Variants in RTF1 observed in about 807,000 individuals in gnomAD.
RTF1 encodes the protein RNA polymerase-associated protein RTF1 homolog.
Under a neutral mutation model 95.7 loss-of-function variants are expected in RTF1, and 10 were observed. That is an observed-to-expected ratio of 0.10 (90% CI 0.06 to 0.18). The LOEUF is 0.18. RTF1 is among the 10% of genes least tolerant of loss of function. The pLI is 1.00. For synonymous variants in RTF1, 305 were observed against 311.8 expected (o/e 0.98, Z 0.23); for missense variants, 458 against 875.6 (o/e 0.52, Z 6.02).
chr15:41,461,218 T>C (rs2050846739), intron 4 of RTF1, among the ~76,000 whole-genome samples: 1 of 151,818 alleles, frequency 6.6e-6, no homozygotes, highest in Admixed American at 6.6e-5. Context: ...AATTTTTGTA[T>C]TTTTAGCAGG....
chr15:41,464,248 T>TTC (rs539822159), intron 4 of RTF1, among the ~76,000 whole-genome samples: 1 of 151,182 alleles, frequency 6.6e-6, no homozygotes, highest in Non-Finnish European at 1.5e-5. Context: ...TATGTTCTCT[T>TTC]TCTCTCTCTT....
At chr15:41,443,924 C>T (rs564171972) in intron 2 of RTF1, among the ~76,000 whole-genome samples, 12 of 151,538 alleles carry the variant, frequency 7.9e-5, no homozygotes, top group South Asian at 2.1e-4. Context: ...AAAAATTAGC[C>T]GGGCGTGGTG....
At position 41,444,106 on chromosome 15, in the gene RTF1, T is replaced by C. The variant is rs559621701; in HGVS notation, c.309+5675T>C. 7.3e-5 allele frequency among the ~76,000 whole-genome samples: 11 copies of C among 151,224 alleles called. No homozygotes were observed. The East Asian group carries it at 2.0e-3, about 27-fold the overall frequency. ...GAAAAAGAAAAATTAAAAAAAAATT[T>C]TTTTTAATACAAAAATTAGTCAGGT... On this transcript the variant is annotated intron_variant, in intron 2 of 17. Transcript: ENST00000389629.
At chr15:41,475,895 C>A in intron 11 of RTF1, 76 bp downstream of exon 11, 1 of 720,052 alleles carries the variant, frequency 1.4e-6, no homozygotes, top group Non-Finnish European at 2.3e-6. Flanking sequence ...TCTTTTATTT[C>A]CCTATATCTT....
At chr15:41,446,427 G>A (rs935321405) in intron 2 of RTF1, among the ~76,000 whole-genome samples, 1 of 151,988 alleles carries the variant, frequency 6.6e-6, no homozygotes, top group African/African-American at 2.4e-5. Flanking sequence ...TTAGCCAGGC[G>A]TGGTGGCGCA....
chr15:41,478,087 A>G (rs2050951177), intron 14 of RTF1, among the ~76,000 whole-genome samples: 1 of 151,248 alleles, frequency 6.6e-6, no homozygotes, highest in Non-Finnish European at 1.5e-5. Context: ...TGGGCAAGAG[A>G]GCGAGAATCC....
chr15:41,418,683 G>T (rs935625108), intron 1 of RTF1, among the ~76,000 whole-genome samples: 1 of 151,526 alleles, frequency 6.6e-6, no homozygotes, highest in Non-Finnish European at 1.5e-5. Flanking sequence ...GGTGGCACAT[G>T]CCTGTAATCC....
At chr15:41,430,006 C>CTTTTTTTTTT (rs1410593149) in intron 1 of RTF1, among the ~76,000 whole-genome samples, 43 of 143,016 alleles carry the variant, frequency 3.0e-4, no homozygotes, top group East Asian at 8.5e-4. Context: ...TTTATTTTTT[C>CTTTTTTTTTT]TTTTCTTTTT....
intron 8 of RTF1, among the ~76,000 whole-genome samples, chr15:41,473,419 A>G (rs976689271): frequency 2.7e-5 from 4 of 149,396 alleles, no homozygotes; most frequent in Non-Finnish European, 5.9e-5. Context: ...GGTGTGAGCC[A>G]CCACGCCCGG....
chr15:41,417,320 G>A lies in RTF1; in HGVS notation c.198+7G>A. On this transcript the variant is annotated splice_region_variant and intron_variant, in intron 1 of 17. Coordinates refer to ENST00000389629, the MANE Select transcript of RTF1 (RefSeq NM_015138.5). ...CGACGAGAACCTGGATCAGGTGAGGGCAGGCCGCGGAGGCGCGGGCCGGCG... is the reference window on the plus strand; with the variant it reads ...CGACGAGAACCTGGATCAGGTGAGGACAGGCCGCGGAGGCGCGGGCCGGCG... The A allele has an allele frequency of 8.0e-7, 1 of 1,246,968 alleles. No homozygotes were observed. Among genetic ancestry groups the A allele is most frequent in the Non-Finnish European group, 1.0e-6 (1 of 987,980 alleles). The allele number at this position is 1,246,968 out of a possible 1,614,324, so 77.2% of individuals were successfully genotyped here.
chr15:41,432,489 G>A (rs901207959), intron 1 of RTF1, among the ~76,000 whole-genome samples: 3 of 151,948 alleles, frequency 2.0e-5, no homozygotes, highest in South Asian at 2.1e-4. Context: ...GAGCCACTGC[G>A]CCCGGCCTAG....
chr15:41,420,865 G>A (rs1441177749), intron 1 of RTF1, among the ~76,000 whole-genome samples: 2 of 152,144 alleles, frequency 1.3e-5, no homozygotes, highest in African/African-American at 4.8e-5. Flanking sequence ...AGGGGATAGA[G>A]GTCTGGACTC....
At chr15:41,460,391 G>GAGCC (rs1290239509) in intron 4 of RTF1, among the ~76,000 whole-genome samples, 4 of 152,048 alleles carry the variant, frequency 2.6e-5, no homozygotes, top group Non-Finnish European at 5.9e-5. Flanking sequence ...CCAAAGTGCT[G>GAGCC]GAATTACAGG....
At chr15:41,417,376 CG>C (rs1168086356) in intron 1 of RTF1, 63 bp downstream of exon 1, 1 of 1,222,358 alleles carries the variant, frequency 8.2e-7, no homozygotes, top group African/African-American at 1.6e-5. Flanking sequence ...CCGCGGGAGC[CG>C]GAGACGGCCG....
At chr15:41,426,562 C>A (rs2050630781) in intron 1 of RTF1, among the ~76,000 whole-genome samples, 1 of 151,758 alleles carries the variant, frequency 6.6e-6, no homozygotes, top group African/African-American at 2.4e-5. Flanking sequence ...ACCTCGGCTT[C>A]CCGAACTGCT....
intron 3 of RTF1, among the ~76,000 whole-genome samples, chr15:41,454,368 G>A (rs1330529373): frequency 6.6e-6 from 1 of 152,010 alleles, no homozygotes; most frequent in African/African-American, 2.4e-5. Context: ...TGGGATTACA[G>A]GTGTGAGCCG....
In RTF1 at chr15:41,481,435, T is replaced by C. The variant is rs1293903037; in HGVS notation, c.*748T>C. ...AAGAAAGAAACTCATTAAATGTGAT[T>C]CTTCTTACTAAACAGGCCTGACTGC... is the stretch of plus-strand genomic sequence containing the variant. On this transcript the variant is annotated 3_prime_UTR_variant, in exon 18 of 18. Coordinates refer to ENST00000389629, the MANE Select transcript of RTF1 (RefSeq NM_015138.5). 2 of 152,654 alleles carry C rather than the reference T, an allele frequency of 1.3e-5. No individual in the cohort carries two copies. Among genetic ancestry groups the C allele is most frequent in the African/African-American group, 4.8e-5 (2 of 41,442 alleles). 9.5% of individuals were successfully genotyped at this position (152,654 alleles called of 1,614,324 possible).
chr15:41,473,822 A>G (rs1329712155), intron 8 of RTF1, among the ~76,000 whole-genome samples: 1 of 151,570 alleles, frequency 6.6e-6, no homozygotes, highest in Non-Finnish European at 1.5e-5. Flanking sequence ...GTGGATCACG[A>G]GGTCAGGAGA....
chr15:41,454,770 AATC>A (rs1229792594), intron 3 of RTF1, among the ~76,000 whole-genome samples: 55 of 152,338 alleles, frequency 3.6e-4, no homozygotes, highest in African/African-American at 1.3e-3. Flanking sequence ...TTTCTTAACA[AATC>A]AACCAAACCA....
Sources: gnomAD v4.1 joint callset for allele counts (sites outside exome capture counted in the v4.1 genomes callset) on GRCh38, gnomAD v4.1.1 for gene constraint, MANE v1.5 for transcripts, NCBI Gene and HGNC (gene_info 2026-07-23, HGNC 2026-07-21) for gene names.